KCNT2: variants seen among roughly 807,000 people sequenced by gnomAD.
The protein encoded by KCNT2 is potassium sodium-activated channel subfamily T member 2.
Under a neutral mutation model 153.8 loss-of-function variants are expected in KCNT2, and 67 were observed. The observed-to-expected ratio is 0.44, with a 90% CI of 0.36 to 0.53. KCNT2 has a LOEUF of 0.53. Ranked by LOEUF, KCNT2 falls within the 20% of genes least tolerant of loss-of-function variation. The pLI, the probability that KCNT2 is intolerant of heterozygous loss-of-function variation, is 0.00. For missense variants in KCNT2, 975 were observed against 1,354.8 expected (o/e 0.72, Z 4.40); for synonymous variants, 500 against 458.8 (o/e 1.09, Z -1.15).
intron 22 of KCNT2, among the ~76,000 whole-genome samples, chr1:196,298,271 A>G (rs1424763853): frequency 6.6e-6 from 1 of 152,132 alleles, no homozygotes; most frequent in African/African-American, 2.4e-5. Context: ...AGAAGACTGC[A>G]CCCAATTTAA....
intron 1 of KCNT2, among the ~76,000 whole-genome samples, chr1:196,494,832 G>C (rs1680129947): frequency 2.0e-5 from 3 of 152,130 alleles, no homozygotes; most frequent in Admixed American, 1.3e-4. Flanking sequence ...CACATAATGT[G>C]ATTCTCTATT....
chr1:196,285,794 A>C lies in KCNT2; in HGVS notation c.2596-36T>G, dbSNP rs757592871. The C allele has an allele frequency of 3.2e-6, 4 of 1,259,762 alleles. No individual in the cohort carries two copies. In the East Asian group the frequency reaches 9.3e-5, roughly 29 times the overall value. The allele number at this position is 1,259,762 out of a possible 1,614,324, so 78.0% of individuals were successfully genotyped here. The stretch of plus-strand genomic sequence containing the variant: ...ATTTGAGATAGAAAAATTTGTGAGC[A>C]TTCCACATTTTATGCATTTCTGCCT... On this transcript the variant is annotated intron_variant, in intron 22 of 27. Transcript: ENST00000294725.
chr1:196,464,014 G>A (rs1008942949), intron 8 of KCNT2, among the ~76,000 whole-genome samples: 1 of 151,680 alleles, frequency 6.6e-6, no homozygotes, highest in African/African-American at 2.4e-5. Context: ...ATTAATTTTA[G>A]TATTTGTAAT....
chr1:196,526,835 C>T (rs1654284850), intron 1 of KCNT2, among the ~76,000 whole-genome samples: 1 of 152,062 alleles, frequency 6.6e-6, no homozygotes, highest in Non-Finnish European at 1.5e-5. Context: ...CTGTGTCTAG[C>T]ACTTTTTTGC....
intron 1 of KCNT2, among the ~76,000 whole-genome samples, chr1:196,511,655 C>G (rs1394137239): frequency 1.4e-4 from 22 of 152,142 alleles, no homozygotes; most frequent in Admixed American, 1.4e-3. Context: ...GCTGATTTTT[C>G]TTGAGGCACC....
At chr1:196,504,349 C>T (rs1231462234) in intron 1 of KCNT2, among the ~76,000 whole-genome samples, 1 of 150,946 alleles carries the variant, frequency 6.6e-6, no homozygotes, top group Non-Finnish European at 1.5e-5. Flanking sequence ...GTTTTTTGTC[C>T]TTGTGATAGT....
intron 13 of KCNT2, among the ~76,000 whole-genome samples, chr1:196,386,708 CTTTA>C (rs931251522): frequency 1.3e-5 from 2 of 151,982 alleles, no homozygotes; most frequent in Non-Finnish European, 2.9e-5. Flanking sequence ...TTTTAAATTG[CTTTA>C]TTTCTCATTC....
In KCNT2 at chr1:196,297,668, T is replaced by C. The variant is rs573026080; in HGVS notation, c.2595+7566A>G. 3.7e-4 allele frequency among the ~76,000 whole-genome samples: 57 copies of C among 152,296 alleles called. 1 individual carries two copies. In the South Asian group the frequency reaches 6.6e-3, roughly 18 times the overall value. ...TTTTCAAATTATTTTTGGATGAATA[T>C]AGAGACAAGGTAAATATTTTCTTAA... On this transcript the variant is annotated intron_variant, in intron 22 of 27. Transcript: ENST00000294725.
intron 25 of KCNT2, chr1:196,273,450 C>T: frequency 6.6e-7 from 1 of 1,518,548 alleles, no homozygotes. Context: ...GAAAGGGAAA[C>T]AAACAGAAAA....
At chr1:196,273,304 C>T (rs980975311) in intron 25 of KCNT2, among the ~76,000 whole-genome samples, 1 of 151,552 alleles carries the variant, frequency 6.6e-6, no homozygotes, top group African/African-American at 2.4e-5. Context: ...AATATAAGTA[C>T]ATTAATTTGA....
Position 196,340,548 on chromosome 1 carries a change from C to T in KCNT2, c.1576G>A (p.Val526Ile). The T allele has an allele frequency of 6.3e-7, 1 of 1,584,736 alleles. No homozygotes were observed. Among genetic ancestry groups the T allele is most frequent in the Non-Finnish European group, 8.6e-7 (1 of 1,167,350 alleles). ...ATGTTTTTATTATCCTCCCTCCTAA[C>T]ACCAATCAAGCAGACGCCAAACCTT... ...HKKFGVCLIGVRREDNKNILL... is the reference protein window; with the variant it reads ...HKKFGVCLIGIRREDNKNILL... Residue 526 changes from valine (V) to isoleucine (I), a missense_variant, in exon 16 of 28, where the codon GTT (valine) becomes ATT (isoleucine). Val to Ile is a conservative substitution (Grantham distance 29). Transcript: ENST00000294725.
chr1:196,248,364 T>C (rs1323463502), intron 26 of KCNT2, among the ~76,000 whole-genome samples: 1 of 151,952 alleles, frequency 6.6e-6, no homozygotes, highest in African/African-American at 2.4e-5. Flanking sequence ...GAAAAAGTTG[T>C]TTTTTGATAA....
At position 196,515,475 on chromosome 1, in the gene KCNT2, A is replaced by G. The variant is rs527828227; in HGVS notation, c.96-23134T>C. Among the ~76,000 whole-genome samples, 5 of 152,342 alleles carry G rather than the reference A, an allele frequency of 3.3e-5. No homozygotes were observed. The South Asian group carries it at 1.0e-3, about 32-fold the overall frequency. ...CATAAAAATTAGCAAGCATTGACTT[A>G]ACATTAACAAGGAAGATGTGTTCTT... On this transcript the variant is annotated intron_variant, in intron 1 of 27. Coordinates refer to ENST00000294725, the MANE Select transcript of KCNT2 (RefSeq NM_198503.5).
At chr1:196,334,157 A>AATAT (rs200438575) in intron 16 of KCNT2, 97 bp from the exon 17 acceptor site, 5 of 686,826 alleles carry the variant, frequency 7.3e-6, no homozygotes, top group African/African-American at 3.6e-5. Flanking sequence ...AAACACAATA[A>AATAT]ATATATATAT....
intron 25 of KCNT2, among the ~76,000 whole-genome samples, chr1:196,272,142 T>A (rs1161782785): frequency 6.6e-6 from 1 of 151,958 alleles, no homozygotes; most frequent in Non-Finnish European, 1.5e-5. Flanking sequence ...ATCATTGTGT[T>A]CCAAGCCCAG....
chr1:196,401,050 GAA>G (rs1671369852), intron 12 of KCNT2, among the ~76,000 whole-genome samples: 1 of 151,768 alleles, frequency 6.6e-6, no homozygotes, highest in Non-Finnish European at 1.5e-5. Flanking sequence ...GCAACAAAGA[GAA>G]ACCACAAATT....
chr1:196,538,327 G>C (rs1402419021), intron 1 of KCNT2, among the ~76,000 whole-genome samples: 1 of 152,042 alleles, frequency 6.6e-6, no homozygotes, highest in Non-Finnish European at 1.5e-5. Context: ...TGGACCAAAG[G>C]CTCACCCAGC....
intron 1 of KCNT2, among the ~76,000 whole-genome samples, chr1:196,538,980 A>C (rs570069867): frequency 6.6e-6 from 1 of 152,334 alleles, no homozygotes; most frequent in South Asian, 2.1e-4. Flanking sequence ...TTTAAAAATA[A>C]CATTACCCTC....
In KCNT2 at chr1:196,340,504, A is replaced by C. The variant is rs1326726914; in HGVS notation, c.1620T>G (p.Pro540=). Residue 540 remains proline (P), a synonymous_variant, in exon 16 of 28, where the codon CCT becomes CCG. Transcript: ENST00000294725. ...TGTCTGTAGAATTCATAATGTATCGAGGACCTGGATTCAGCAAAATGTTTT... is the reference window on the plus strand; with the variant it reads ...TGTCTGTAGAATTCATAATGTATCGCGGACCTGGATTCAGCAAAATGTTTT... ...DNKNILLNPG[P]RYIMNSTDIC... The C allele has an allele frequency of 6.2e-7, 1 of 1,612,130 alleles. No homozygotes were observed. Among genetic ancestry groups the C allele is most frequent in the Non-Finnish European group, 8.5e-7 (1 of 1,178,784 alleles).
Sources: allele counts gnomAD v4.1 joint callset (sites outside exome capture counted in the v4.1 genomes callset), GRCh38; gene constraint gnomAD v4.1.1; transcripts MANE v1.5; gene names NCBI Gene and HGNC (gene_info 2026-07-23, HGNC 2026-07-21).